Variants in FBXO36 observed in about 807,000 individuals in gnomAD.
The protein encoded by FBXO36 is F-box only protein 36.
Under a neutral mutation model 17.0 loss-of-function variants are expected in FBXO36, and 18 were observed. That is an observed-to-expected ratio of 1.06 (90% confidence interval 0.73 to 1.57). The LOEUF (loss-of-function observed/expected upper bound fraction) is 1.57, where lower values mean the gene tolerates loss of function less well. FBXO36 is among the 40% of genes most tolerant of loss of function. The pLI is 0.00. For synonymous variants in FBXO36, 83 were observed against 85.3 expected (o/e 0.97, Z 0.15); for missense variants, 229 against 221.9 (o/e 1.03, Z -0.20).
chr2:230,001,755 C>T (rs1001428176), intron 3 of FBXO36, among the ~76,000 whole-genome samples: 17 of 152,150 alleles, frequency 1.1e-4, no homozygotes, highest in African/African-American at 3.6e-4. Flanking sequence ...CTACCTGACA[C>T]GTGGTTCCAG....
intron 1 of FBXO36, among the ~76,000 whole-genome samples, chr2:229,931,921 T>A (rs1412216587): frequency 1.4e-5 from 2 of 142,394 alleles, no homozygotes; most frequent in African/African-American, 5.5e-5. Context: ...TGTGTATATA[T>A]TTTTTTTTTT....
intron 1 of FBXO36, among the ~76,000 whole-genome samples, chr2:229,945,946 C>T (rs375288400): frequency 1.2e-3 from 179 of 151,460 alleles, no homozygotes; most frequent in African/African-American, 4.3e-3. Flanking sequence ...CCCTTGAACC[C>T]GGGAGGCGGA....
intron 1 of FBXO36, among the ~76,000 whole-genome samples, chr2:229,928,373 T>A (rs1319555196): frequency 6.6e-6 from 1 of 152,228 alleles, no homozygotes; most frequent in Admixed American, 6.5e-5. Context: ...AAGAAAAAGC[T>A]GGAATGATGC....
intron 1 of FBXO36, among the ~76,000 whole-genome samples, chr2:229,954,149 C>T (rs1025454871): frequency 6.6e-6 from 1 of 151,222 alleles, no homozygotes; most frequent in African/African-American, 2.4e-5. Flanking sequence ...TAGGTGTGAG[C>T]TACCACACTC....
At chr2:229,936,784 C>T (rs1420857019) in intron 1 of FBXO36, among the ~76,000 whole-genome samples, 9 of 152,038 alleles carry the variant, frequency 5.9e-5, no homozygotes, top group Non-Finnish European at 1.0e-4. Context: ...GGCAAAAGGA[C>T]GACTTCAGCC....
At chr2:229,979,561 C>T (rs2077227505) in intron 2 of FBXO36, among the ~76,000 whole-genome samples, 1 of 151,878 alleles carries the variant, frequency 6.6e-6, no homozygotes, top group South Asian at 2.1e-4. Context: ...AGGTGGATCA[C>T]CTGAGGTCAG....
chr2:229,941,674 G>A (rs1416971046), intron 1 of FBXO36, among the ~76,000 whole-genome samples: 1 of 151,792 alleles, frequency 6.6e-6, no homozygotes, highest in African/African-American at 2.4e-5. Context: ...ACTCTCACTC[G>A]AGGCTGCAAG....
chr2:229,968,566 C>T (rs2077165256), intron 1 of FBXO36, among the ~76,000 whole-genome samples: 1 of 152,136 alleles, frequency 6.6e-6, no homozygotes, highest in South Asian at 2.1e-4. Flanking sequence ...CTTCGGGCTT[C>T]AAGCAGTCCC....
chr2:229,936,330 G>T (rs565669030), intron 1 of FBXO36, among the ~76,000 whole-genome samples: 41 of 152,214 alleles, frequency 2.7e-4, no homozygotes, highest in African/African-American at 9.9e-4. Flanking sequence ...TTATTCTCCT[G>T]TGCAAAAATC....
chr2:229,993,420 A>T (rs1261832393), intron 2 of FBXO36, among the ~76,000 whole-genome samples: 1 of 152,114 alleles, frequency 6.6e-6, no homozygotes, highest in Non-Finnish European at 1.5e-5. Context: ...CTTTATGATG[A>T]CCTACCCTTT....
At chr2:229,969,906 A>G (rs1175239568) in intron 1 of FBXO36, among the ~76,000 whole-genome samples, 1 of 152,218 alleles carries the variant, frequency 6.6e-6, no homozygotes, top group African/African-American at 2.4e-5. Flanking sequence ...AAGAGGATAT[A>G]TGAATGGCAG....
intron 1 of FBXO36, among the ~76,000 whole-genome samples, chr2:229,965,536 C>T (rs1247980730): frequency 1.3e-4 from 19 of 147,502 alleles, no homozygotes; most frequent in African/African-American, 4.5e-4. Flanking sequence ...CCCCCAACCC[C>T]ACAACAGGCC....
At chr2:229,927,104 C>G (rs1019300297) in intron 1 of FBXO36, among the ~76,000 whole-genome samples, 4 of 152,156 alleles carry the variant, frequency 2.6e-5, no homozygotes, top group African/African-American at 9.7e-5. Flanking sequence ...AAGTGATCTG[C>G]CCGCCTTGGC....
At chr2:229,987,977 T>C (rs2077277733) in intron 2 of FBXO36, among the ~76,000 whole-genome samples, 1 of 152,230 alleles carries the variant, frequency 6.6e-6, no homozygotes, top group South Asian at 2.1e-4. Context: ...AAATTTTCTT[T>C]AACTGCTGCT....
chr2:229,994,304 G>T (rs2077313919), intron 2 of FBXO36, among the ~76,000 whole-genome samples: 1 of 152,110 alleles, frequency 6.6e-6, no homozygotes, highest in Non-Finnish European at 1.5e-5. Context: ...CCCCCAAGAA[G>T]GCCCTTGTAC....
rs1472020692 is a variant in FBXO36, at chr2:229,973,475, CA to C, written c.97-2765del. ...GCGGTGGCTACACCTGCAATATCAC[CA>C]CTTTGGGAGGCCGAAGCAGGCGGAT... is the stretch of plus-strand genomic sequence containing the variant. On this transcript the variant is annotated intron_variant, in intron 1 of 3. Coordinates refer to ENST00000283946, the MANE Select transcript of FBXO36 (RefSeq NM_174899.5). 2.6e-5 allele frequency: 4 copies of C among 152,004 alleles called. No individual in the cohort carries two copies. In the East Asian group the frequency reaches 7.7e-4, roughly 29 times the overall value. 9.4% of individuals were successfully genotyped at this position (152,004 alleles called of 1,614,324 possible).
intron 1 of FBXO36, among the ~76,000 whole-genome samples, chr2:229,923,847 G>GTTTTTTTTTTTT (rs71045800): frequency 5.1e-5 from 4 of 77,708 alleles, no homozygotes; most frequent in Non-Finnish European, 6.9e-5. Context: ...TTTTGGTGTT[G>GTTTTTTTTTTTT]TTTTTTTTTT....
intron 3 of FBXO36, among the ~76,000 whole-genome samples, chr2:230,002,801 G>C (rs1185845405): frequency 6.6e-6 from 1 of 152,166 alleles, no homozygotes; most frequent in Admixed American, 6.5e-5. Context: ...AGCAGCATTA[G>C]TGACTTTATA....
chr2:229,922,534 G>C lies in FBXO36; in HGVS notation c.21G>C (p.Glu7Asp). 1 of 1,613,946 alleles carries C rather than the reference G, an allele frequency of 6.2e-7. No individual in the cohort carries two copies. The highest frequency in any genetic ancestry group is 8.5e-7 in the Non-Finnish European group (1 of 1,179,996). MASWLP[E>D]TLFETVGQGP... ...CCAAGATGGCGTCGTGGCTGCCGGA[G>C]ACTCTCTTTGAAACTGTAGGACAAG... is the stretch of plus-strand genomic sequence containing the variant. The change falls in exon 1 of 4, where the codon GAG becomes GAC. Residue 7 changes from glutamate (E) to aspartate (D), a missense_variant. Physicochemically the swap from Glu to Asp is conservative, Grantham distance 45 (BLOSUM62 2). Coordinates refer to ENST00000283946, the MANE Select transcript of FBXO36 (RefSeq NM_174899.5).
Sources: gnomAD v4.1 joint callset for allele counts (sites outside exome capture counted in the v4.1 genomes callset) on GRCh38, gnomAD v4.1.1 for gene constraint, MANE v1.5 for transcripts, NCBI Gene and HGNC (gene_info 2026-07-23, HGNC 2026-07-21) for gene names.